LRRC4C: variants seen among roughly 807,000 people sequenced by gnomAD.
LRRC4C encodes leucine-rich repeat-containing protein 4C.
LRRC4C carries 5 observed loss-of-function variants against 33.6 expected under a neutral mutation model. That is an observed-to-expected ratio of 0.15 (90% CI 0.08 to 0.31). LRRC4C has a LOEUF of 0.31. Among genes scored for constraint, LRRC4C ranks in the 10% least tolerant of loss-of-function variants. The pLI, the probability that LRRC4C is intolerant of heterozygous loss-of-function variation, is 1.00. For synonymous variants in LRRC4C, 329 were observed against 302.0 expected (o/e 1.09, Z -0.93); for missense variants, 560 against 796.7 (o/e 0.70, Z 3.58).
At chr11:40,385,273 T>C (rs12361956) in intron 3 of LRRC4C, among the ~76,000 whole-genome samples, 59,934 of 152,004 alleles carry the variant, frequency 0.39, 12,010 homozygotes, top group East Asian at 0.49. Context: ...GGAGGAAACA[T>C]TAAGTCATCT....
chr11:41,338,855 G>A (rs1416599255), intron 1 of LRRC4C, among the ~76,000 whole-genome samples: 9 of 151,698 alleles, frequency 5.9e-5, no homozygotes, highest in Admixed American at 5.3e-4. Flanking sequence ...AATGACCTCC[G>A]GCACATTGTT....
intron 5 of LRRC4C, among the ~76,000 whole-genome samples, chr11:40,180,899 G>C (rs928685210): frequency 1.3e-5 from 2 of 152,130 alleles, no homozygotes; most frequent in Non-Finnish European, 2.9e-5. Flanking sequence ...AGCTTTAACA[G>C]CTGAAGAGTT....
At chr11:40,966,249 A>AT (rs1851356753) in intron 1 of LRRC4C, among the ~76,000 whole-genome samples, 1 of 152,012 alleles carries the variant, frequency 6.6e-6, no homozygotes, top group Non-Finnish European at 1.5e-5. Context: ...ACCTATTTTT[A>AT]CATTTGCATC....
chr11:41,010,718 C>T (rs1261460070), intron 1 of LRRC4C, among the ~76,000 whole-genome samples: 1 of 152,184 alleles, frequency 6.6e-6, no homozygotes, highest in Non-Finnish European at 1.5e-5. Flanking sequence ...ATGGTGGCAA[C>T]TTCCTTAAGA....
intron 1 of LRRC4C, among the ~76,000 whole-genome samples, chr11:41,139,953 C>T (rs930052316): frequency 6.6e-6 from 1 of 152,062 alleles, no homozygotes; most frequent in Non-Finnish European, 1.5e-5. Context: ...ATTTGACAAT[C>T]CTGGTGTATA....
intron 2 of LRRC4C, among the ~76,000 whole-genome samples, chr11:40,904,139 GT>G (rs1956321935): frequency 6.6e-6 from 1 of 152,030 alleles, no homozygotes. Context: ...TTCTGTTTTT[GT>G]TTTTGTATTT....
At chr11:40,360,491 C>A (rs1366593151) in intron 3 of LRRC4C, among the ~76,000 whole-genome samples, 1 of 152,128 alleles carries the variant, frequency 6.6e-6, no homozygotes, top group Non-Finnish European at 1.5e-5. Context: ...ACATTCTCAC[C>A]AACTATTTCT....
intron 3 of LRRC4C, among the ~76,000 whole-genome samples, chr11:40,570,911 AT>A (rs1354023657): frequency 1.3e-5 from 2 of 152,128 alleles, no homozygotes; most frequent in East Asian, 1.9e-4. Flanking sequence ...AAATTTAAAG[AT>A]TTTTTTAAGA....
intron 1 of LRRC4C, among the ~76,000 whole-genome samples, chr11:41,229,187 G>C (rs563778169): frequency 6.0e-4 from 91 of 152,142 alleles, no homozygotes; most frequent in African/African-American, 2.1e-3. Context: ...TTGGAGATCA[G>C]GTCACTGGTA....
At chr11:40,864,303 A>T (rs1384235386) in intron 2 of LRRC4C, among the ~76,000 whole-genome samples, 1 of 152,098 alleles carries the variant, frequency 6.6e-6, no homozygotes, top group Non-Finnish European at 1.5e-5. Flanking sequence ...TCCTGACCAC[A>T]GGTGATTCAC....
At chr11:41,173,958 C>A (rs980741029) in intron 1 of LRRC4C, among the ~76,000 whole-genome samples, 1 of 151,996 alleles carries the variant, frequency 6.6e-6, no homozygotes, top group Non-Finnish European at 1.5e-5. Flanking sequence ...TCAGAAATCA[C>A]AAGCTTCTGC....
intron 1 of LRRC4C, among the ~76,000 whole-genome samples, chr11:41,211,668 TA>T (rs541470959): frequency 1.6e-4 from 25 of 152,354 alleles, no homozygotes; most frequent in South Asian, 8.3e-4. Flanking sequence ...GTCATCATTT[TA>T]TTATGGCTGC....
At position 40,930,000 on chromosome 11, in the gene LRRC4C, G is replaced by A. The variant is rs567565662; in HGVS notation, c.-407+3635C>T. On this transcript the variant is annotated intron_variant, in intron 2 of 6. Transcript: ENST00000528697. ...GAGAATTCTATCAGATTTCTGACAG[G>A]AAATAGCTGGCACTCTCAAATTAAG... Among the ~76,000 whole-genome samples the A allele has an allele frequency of 9.2e-5, 14 of 152,208 alleles. No homozygotes were observed. The South Asian group carries it at 2.9e-3, about 32-fold the overall frequency.
intron 2 of LRRC4C, among the ~76,000 whole-genome samples, chr11:40,716,207 A>G (rs185472361): frequency 2.6e-5 from 4 of 152,324 alleles, no homozygotes; most frequent in African/African-American, 7.2e-5. Context: ...ACAATTTTCT[A>G]CATTGGAGAA....
chr11:40,566,569 A>T (rs998486906), intron 3 of LRRC4C, among the ~76,000 whole-genome samples: 1 of 152,122 alleles, frequency 6.6e-6, no homozygotes, highest in Admixed American at 6.6e-5. Context: ...ATATTCAAAT[A>T]TGTTAAATGA....
At chr11:40,302,886 G>C (rs965967169) in intron 4 of LRRC4C, among the ~76,000 whole-genome samples, 1 of 152,144 alleles carries the variant, frequency 6.6e-6, no homozygotes, top group Non-Finnish European at 1.5e-5. Flanking sequence ...ACCTCAGTCT[G>C]AATCTGACAT....
rs181173625 is a variant in LRRC4C at position 40,861,574 on chromosome 11, T to C, written c.-407+72061A>G. Reference sequence around the variant, plus strand: ...GATCAGGAGTGTGGCCAAGGACTAATTGTGACATTGTAAGTATGAAAAATC... The same window carrying C: ...GATCAGGAGTGTGGCCAAGGACTAACTGTGACATTGTAAGTATGAAAAATC... On this transcript the variant is annotated intron_variant, in intron 2 of 6. Coordinates refer to ENST00000528697, the MANE Select transcript of LRRC4C (RefSeq NM_001258419.2). Among the ~76,000 whole-genome samples, 10 of 152,214 alleles carry C rather than the reference T, an allele frequency of 6.6e-5. No homozygotes were observed. The East Asian group carries it at 1.6e-3, about 24-fold the overall frequency.
intron 4 of LRRC4C, among the ~76,000 whole-genome samples, chr11:40,312,888 A>G (rs368240859): frequency 2.0e-5 from 3 of 151,290 alleles, no homozygotes; most frequent in African/African-American, 7.4e-5. Flanking sequence ...AGCTCTCCCA[A>G]GCAACATCTT....
chr11:41,009,574 A>G (rs951570539), intron 1 of LRRC4C, among the ~76,000 whole-genome samples: 16 of 150,842 alleles, frequency 1.1e-4, no homozygotes, highest in Non-Finnish European at 2.2e-4. Flanking sequence ...TCAAGAAAAA[A>G]AAATCAGAGA....
Sources: gnomAD v4.1 joint callset for allele counts (sites outside exome capture counted in the v4.1 genomes callset) on GRCh38, gnomAD v4.1.1 for gene constraint, MANE v1.5 for transcripts, NCBI Gene and HGNC (gene_info 2026-07-23, HGNC 2026-07-21) for gene names.